PTPRO: variants seen among roughly 807,000 people sequenced by gnomAD.
PTPRO encodes the protein protein tyrosine phosphatase receptor type O.
In PTPRO, 62 loss-of-function variants were observed where a neutral mutation model predicts 145.2. The ratio of observed to expected loss-of-function variants is 0.43; its 90% CI spans 0.35 to 0.53. PTPRO has a LOEUF of 0.53. PTPRO is among the 20% of genes least tolerant of loss of function. The pLI is 0.01. For synonymous variants in PTPRO, 565 were observed against 514.7 expected, an observed-to-expected ratio of 1.10 and a Z score of -1.32; for missense variants, 1,345 against 1,482.7, an observed-to-expected ratio of 0.91 and a Z score of 1.53.
At chr12:15,444,254 A>C (rs1411111885) in intron 1 of PTPRO, among the ~76,000 whole-genome samples, 1 of 152,090 alleles carries the variant, frequency 6.6e-6, no homozygotes, top group Non-Finnish European at 1.5e-5. Context: ...AGTCCTGACC[A>C]TTCTCACTTA....
chr12:15,375,935 C>T (rs1599364), intron 1 of PTPRO, among the ~76,000 whole-genome samples: 29,981 of 151,938 alleles, frequency 0.2, 7,322 homozygotes, highest in African/African-American at 0.58. Flanking sequence ...GACAGGTCAA[C>T]TGAGATTACC....
At chr12:15,364,664 G>C (rs952962856) in intron 1 of PTPRO, among the ~76,000 whole-genome samples, 15 of 152,236 alleles carry the variant, frequency 9.9e-5, no homozygotes, top group South Asian at 6.2e-4. Context: ...GACAAGAAAG[G>C]GGGTGGGATG....
intron 1 of PTPRO, among the ~76,000 whole-genome samples, chr12:15,358,690 T>A (rs573147515): frequency 2.2e-4 from 34 of 152,330 alleles, no homozygotes; most frequent in Admixed American, 1.7e-3. Context: ...AACCCAGCAT[T>A]CCCAACTGTT....
intron 7 of PTPRO, among the ~76,000 whole-genome samples, chr12:15,513,146 A>G (rs371652021): frequency 2.6e-5 from 1 of 38,292 alleles, no homozygotes; most frequent in African/African-American, 1.0e-4. Context: ...GAAGGAAGAA[A>G]GAAAGAAAGA....
intron 1 of PTPRO, among the ~76,000 whole-genome samples, chr12:15,415,524 A>G (rs969286155): frequency 5.3e-5 from 8 of 151,886 alleles, no homozygotes; most frequent in African/African-American, 1.7e-4. Flanking sequence ...AGCTGGGACT[A>G]CAGGCACCTG....
At chr12:15,463,416 AT>A (rs540004806) in intron 1 of PTPRO, among the ~76,000 whole-genome samples, 1 of 152,300 alleles carries the variant, frequency 6.6e-6, no homozygotes, top group South Asian at 2.1e-4. Flanking sequence ...TTTATCTATG[AT>A]TTTTTTAAGA....
chr12:15,578,862 T>C lies in PTPRO; in HGVS notation c.2839T>C (p.Leu947=). The C allele has an allele frequency of 6.3e-7, 1 of 1,595,348 alleles. No individual in the cohort carries two copies. The highest frequency in any genetic ancestry group is 1.1e-5 in the South Asian group (1 of 90,696). The change falls in exon 20 of 27, where the codon TTG becomes CTG. Residue 947 remains leucine, a synonymous_variant. Transcript: ENST00000281171. The part of the protein sequence containing the change: ...KFSLQFEELK[L]IGLDIPHFAA... The stretch of plus-strand genomic sequence containing the variant: ...TCTCTGTCCTTTACAGGAGTTGAAA[T>C]TGATTGGACTGGATATCCCACACTT...
intron 1 of PTPRO, among the ~76,000 whole-genome samples, chr12:15,337,722 T>C (rs889279779): frequency 1.3e-5 from 2 of 152,182 alleles, no homozygotes; most frequent in Non-Finnish European, 2.9e-5. Flanking sequence ...TACCATATAA[T>C]ATTATTCAGC....
rs1942470298 is a variant in PTPRO at position 15,512,834 on chromosome 12, A to C, written c.1465-2664A>C. ...CATAATGAAACCCTGTCTCTACTAG[A>C]AACACAAAAATAAGCTGAGCATGAT... On this transcript the variant is annotated intron_variant, in intron 7 of 26. Transcript: ENST00000281171. Among the ~76,000 whole-genome samples, 2 of 151,984 alleles carry C rather than the reference A, an allele frequency of 1.3e-5. 1 individual carries two copies. The highest frequency in any genetic ancestry group is 4.1e-4 in the South Asian group (2 of 4,824).
chr12:15,450,112 T>C (rs760743664), intron 1 of PTPRO, among the ~76,000 whole-genome samples: 25 of 152,168 alleles, frequency 1.6e-4, no homozygotes, highest in Non-Finnish European at 3.5e-4. Flanking sequence ...GCTCCTATTA[T>C]ATTTGCTAGT....
chr12:15,552,149 A>G (rs1454569551), intron 15 of PTPRO, among the ~76,000 whole-genome samples: 2 of 152,132 alleles, frequency 1.3e-5, no homozygotes, highest in Non-Finnish European at 2.9e-5. Flanking sequence ...AGTCTCTATT[A>G]GTTTTATTCC....
chr12:15,491,574 G>A (rs1941999989), intron 2 of PTPRO, among the ~76,000 whole-genome samples: 2 of 152,044 alleles, frequency 1.3e-5, no homozygotes, highest in Admixed American at 1.3e-4. Context: ...CACCTAATGA[G>A]GGAAAAAATG....
At chr12:15,507,981 G>A (rs1298566835) in intron 6 of PTPRO, among the ~76,000 whole-genome samples, 17 of 152,210 alleles carry the variant, frequency 1.1e-4, no homozygotes, top group Admixed American at 1.1e-3. Context: ...CTAAGGATGG[G>A]CACTTCTGTG....
At chr12:15,387,833 A>G (rs1017591390) in intron 1 of PTPRO, among the ~76,000 whole-genome samples, 18 of 152,208 alleles carry the variant, frequency 1.2e-4, no homozygotes, top group African/African-American at 3.4e-4. Flanking sequence ...TTCAAACTCA[A>G]AAGTGTATCT....
Position 15,359,422 on chromosome 12 carries a change from CT to C in PTPRO, c.75+36641del, listed in dbSNP as rs771782428. On this transcript the variant is annotated intron_variant, in intron 1 of 26. Transcript: ENST00000281171. ...ATTGGTCTACTTTTCTTTCTCTTTC[CT>C]TTTTTTTTTTTTTTTTTTTGAGATG... Among the ~76,000 whole-genome samples the C allele has an allele frequency of 3.8e-3, 427 of 112,498 alleles. 2 individuals are homozygous for C. In the South Asian group the frequency reaches 0.04, roughly 10 times the overall value. The allele number at this position is 112,498 out of a possible 152,430, so 73.8% of individuals were successfully genotyped here.
chr12:15,480,144 G>A (rs1323557047), intron 1 of PTPRO, among the ~76,000 whole-genome samples: 1 of 151,968 alleles, frequency 6.6e-6, no homozygotes, highest in East Asian at 1.9e-4. Flanking sequence ...TACTTGTTTT[G>A]TTGTTTCTAT....
At chr12:15,594,652 A>G (rs771951795) in intron 25 of PTPRO, among the ~76,000 whole-genome samples, 1 of 152,084 alleles carries the variant, frequency 6.6e-6, no homozygotes, top group Non-Finnish European at 1.5e-5. Flanking sequence ...AAGTCATCAC[A>G]TTGTACACCT....
At chr12:15,456,805 T>A (rs1161212371) in intron 1 of PTPRO, among the ~76,000 whole-genome samples, 1 of 152,192 alleles carries the variant, frequency 6.6e-6, no homozygotes, top group African/African-American at 2.4e-5. Flanking sequence ...TCAATTACAA[T>A]GTCTCTGCTT....
At chr12:15,391,891 G>C (rs1939197602) in intron 1 of PTPRO, among the ~76,000 whole-genome samples, 1 of 152,102 alleles carries the variant, frequency 6.6e-6, no homozygotes, top group African/African-American at 2.4e-5. Flanking sequence ...CTTGGTTCTG[G>C]GACCAATGTA....
Sources: gnomAD v4.1 joint callset for allele counts (sites outside exome capture counted in the v4.1 genomes callset) on GRCh38, gnomAD v4.1.1 for gene constraint, MANE v1.5 for transcripts, NCBI Gene and HGNC (gene_info 2026-07-23, HGNC 2026-07-21) for gene names.